The following NAALADL2 variants were observed in gnomAD, a reference collection of about 807,000 sequenced individuals.
NAALADL2 encodes N-acetylated alpha-linked acidic dipeptidase like 2.
In NAALADL2, 76 loss-of-function variants were observed where a neutral mutation model predicts 87.2. The ratio of observed to expected loss-of-function variants is 0.87; its 90% CI spans 0.72 to 1.05. The LOEUF (loss-of-function observed/expected upper bound fraction) is 1.05, where lower values mean the gene tolerates loss of function less well. Among genes scored for constraint, NAALADL2 ranks in the 50% least tolerant of loss-of-function variants. The pLI is 0.00. For synonymous variants in NAALADL2, 354 were observed against 331.0 expected, an observed-to-expected ratio of 1.07 and a Z score of -0.75; for missense variants, 1,089 against 945.8, an observed-to-expected ratio of 1.15 and a Z score of -1.99.
intron 2 of NAALADL2, among the ~76,000 whole-genome samples, chr3:174,556,004 TGTGTGC>T (rs777054695): frequency 0.021 from 2,897 of 139,576 alleles, 59 homozygotes; most frequent in African/African-American, 0.059. Context: ...TGTGTGTGTG[TGTGTGC>T]GCGCACGTGA....
intron 5 of NAALADL2, among the ~76,000 whole-genome samples, chr3:175,339,426 A>C (rs1173744874): frequency 6.6e-6 from 1 of 152,190 alleles, no homozygotes; most frequent in Non-Finnish European, 1.5e-5. Flanking sequence ...AAGGGATCTT[A>C]GAGGTTATAA....
intron 9 of NAALADL2, among the ~76,000 whole-genome samples, chr3:175,523,682 T>G (rs1326733826): frequency 6.6e-6 from 1 of 152,220 alleles, no homozygotes; most frequent in Non-Finnish European, 1.5e-5. Context: ...CCTGCTGCTG[T>G]GTCCTTCCCC....
In NAALADL2 at chr3:175,389,838, G is replaced by A. The variant is rs144284275; in HGVS notation, c.1091-57391G>A. 1.5e-3 allele frequency among the ~76,000 whole-genome samples: 227 copies of A among 152,268 alleles called. 1 individual carries two copies. The highest frequency in any genetic ancestry group is 0.01 in the East Asian group (54 of 5,164). On this transcript the variant is annotated intron_variant, in intron 5 of 13. Coordinates refer to ENST00000454872, the MANE Select transcript of NAALADL2 (RefSeq NM_207015.3). The stretch of plus-strand genomic sequence containing the variant: ...CTTCACACAGTGGCTCCAGGGGAGA[G>A]AACAATGTTTCTTACAAACACTAGA...
chr3:174,494,538 G>A lies in NAALADL2; in HGVS notation c.-184+53506G>A, dbSNP rs573141323. Among the ~76,000 whole-genome samples, 42 of 151,870 alleles carry A rather than the reference G, an allele frequency of 2.8e-4. 1 individual carries two copies. The highest frequency in any genetic ancestry group is 9.2e-4 in the African/African-American group (38 of 41,418). On this transcript the variant is annotated intron_variant, in intron 1 of 3. Transcript: ENST00000434257. Reference sequence around the variant, plus strand: ...TAAGTAATGTAAGTGACAAGTTAATGAGTGCAGCACACCAGCATGGCACAT... The same window carrying A: ...TAAGTAATGTAAGTGACAAGTTAATAAGTGCAGCACACCAGCATGGCACAT...
chr3:175,015,182 C>G (rs1750652350), intron 1 of NAALADL2, among the ~76,000 whole-genome samples: 1 of 152,014 alleles, frequency 6.6e-6, no homozygotes, highest in African/African-American at 2.4e-5. Context: ...AAAAACACAG[C>G]ATTTGGTGAA....
At chr3:174,761,881 T>C (rs1403237533) in intron 3 of NAALADL2, among the ~76,000 whole-genome samples, 2 of 151,744 alleles carry the variant, frequency 1.3e-5, no homozygotes, top group Non-Finnish European at 2.9e-5. Context: ...GTCCTTGTGA[T>C]AGTTTTTTGC....
chr3:174,736,578 G>A (rs934785460), intron 2 of NAALADL2, among the ~76,000 whole-genome samples: 2 of 152,096 alleles, frequency 1.3e-5, no homozygotes, highest in African/African-American at 2.4e-5. Flanking sequence ...TAGGCAGGTT[G>A]TCCTGTCATC....
At chr3:175,080,700 C>G (rs1246893346) in intron 1 of NAALADL2, among the ~76,000 whole-genome samples, 2 of 152,252 alleles carry the variant, frequency 1.3e-5, no homozygotes, top group East Asian at 1.9e-4. Context: ...AAGAACAAAT[C>G]AAAATGGGAT....
intron 3 of NAALADL2, among the ~76,000 whole-genome samples, chr3:174,818,654 G>T (rs9861204): frequency 0.18 from 27,058 of 151,994 alleles, 2,634 homozygotes; most frequent in East Asian, 0.33. Flanking sequence ...AAGAAGCCCT[G>T]GTGAGATCTT....
intron 2 of NAALADL2, among the ~76,000 whole-genome samples, chr3:174,688,030 A>T (rs1728207537): frequency 6.6e-6 from 1 of 152,166 alleles, no homozygotes; most frequent in African/African-American, 2.4e-5. Context: ...TGTCTTTATT[A>T]GCAGTGTGAG....
intron 11 of NAALADL2, among the ~76,000 whole-genome samples, chr3:175,681,449 T>G (rs1735581701): frequency 6.6e-6 from 1 of 152,194 alleles, no homozygotes; most frequent in Admixed American, 6.5e-5. Flanking sequence ...TTTCTAAATT[T>G]AAGCGTGACT....
At chr3:174,549,769 G>C (rs2108487985) in intron 1 of NAALADL2, among the ~76,000 whole-genome samples, 1 of 152,192 alleles carries the variant, frequency 6.6e-6, no homozygotes, top group South Asian at 2.1e-4. Flanking sequence ...CCCCAAACTG[G>C]AGGAATCCCC....
chr3:174,956,295 G>A (rs1215149788), intron 1 of NAALADL2, among the ~76,000 whole-genome samples: 1 of 151,992 alleles, frequency 6.6e-6, no homozygotes, highest in Non-Finnish European at 1.5e-5. Context: ...ACTAAAGTAA[G>A]CATAATAGGT....
chr3:175,416,541 G>A (rs16825682), intron 5 of NAALADL2, among the ~76,000 whole-genome samples: 2,848 of 152,200 alleles, frequency 0.019, 96 homozygotes, highest in African/African-American at 0.065. Context: ...TAGGATTTAA[G>A]AAGTATTGTG....
intron 1 of NAALADL2, among the ~76,000 whole-genome samples, chr3:175,088,945 T>A (rs1226899247): frequency 1.3e-5 from 2 of 152,090 alleles, no homozygotes; most frequent in Non-Finnish European, 2.9e-5. Context: ...TGAAAACAGG[T>A]CGGCAGCAGG....
chr3:175,560,560 AT>A (rs1445757920), intron 9 of NAALADL2, among the ~76,000 whole-genome samples: 2 of 151,630 alleles, frequency 1.3e-5, no homozygotes, highest in African/African-American at 4.9e-5. Context: ...CAGATGCATC[AT>A]TAGGTTGTTT....
At chr3:174,490,881 T>A (rs1231066947) in intron 1 of NAALADL2, among the ~76,000 whole-genome samples, 1 of 152,120 alleles carries the variant, frequency 6.6e-6, no homozygotes, top group African/African-American at 2.4e-5. Context: ...TTATAAAATA[T>A]TTAGTACCAC....
intron 9 of NAALADL2, among the ~76,000 whole-genome samples, chr3:175,503,836 G>C (rs912953690): frequency 1.6e-4 from 24 of 152,240 alleles, no homozygotes; most frequent in African/African-American, 5.3e-4. Flanking sequence ...TGAGACCTTT[G>C]TTGGATGCAT....
intron 1 of NAALADL2, among the ~76,000 whole-genome samples, chr3:174,496,733 A>G (rs888160665): frequency 2.0e-5 from 3 of 152,082 alleles, no homozygotes; most frequent in Non-Finnish European, 4.4e-5. Flanking sequence ...TAATAGAATA[A>G]TTAAATAACA....
Sources: allele counts gnomAD v4.1 joint callset (sites outside exome capture counted in the v4.1 genomes callset), GRCh38; gene constraint gnomAD v4.1.1; transcripts MANE v1.5; gene names NCBI Gene and HGNC (gene_info 2026-07-23, HGNC 2026-07-21).